FOXP2: variants seen among roughly 807,000 people sequenced by gnomAD.
FOXP2 encodes the protein forkhead box protein P2.
FOXP2 carries 12 observed loss-of-function variants against 115.8 expected under a neutral mutation model. That is an observed-to-expected ratio of 0.10 (90% CI 0.07 to 0.17). The LOEUF is 0.17. Among genes scored for constraint, FOXP2 ranks in the 10% least tolerant of loss-of-function variants. The pLI is 1.00. For missense variants in FOXP2, 629 were observed against 843.5 expected, an observed-to-expected ratio of 0.75 and a Z score of 3.15; for synonymous variants, 328 against 297.7, an observed-to-expected ratio of 1.10 and a Z score of -1.05.
intron 1 of FOXP2, among the ~76,000 whole-genome samples, chr7:114,110,523 C>T (rs921364454): frequency 6.6e-6 from 1 of 151,870 alleles, no homozygotes; most frequent in African/African-American, 2.4e-5. Context: ...TTTATTTATA[C>T]TCTTTACTAT....
intron 1 of FOXP2, among the ~76,000 whole-genome samples, chr7:114,243,371 G>A (rs775626067): frequency 6.6e-6 from 1 of 151,900 alleles, no homozygotes; most frequent in South Asian, 2.1e-4. Context: ...CCAGATCAAA[G>A]CACATGTGAG....
At chr7:114,101,899 T>TTTTGTG (rs574993238) in intron 1 of FOXP2, among the ~76,000 whole-genome samples, 6 of 142,408 alleles carry the variant, frequency 4.2e-5, no homozygotes, top group African/African-American at 1.3e-4. Context: ...CTTCAACATT[T>TTTTGTG]TGTGTGTGTG....
At chr7:114,297,145 G>T in intron 2 of FOXP2, 1 of 485,000 alleles carries the variant, frequency 2.1e-6, no homozygotes. Flanking sequence ...TCCTCATGGC[G>T]CCCAGAACGT....
intron 1 of FOXP2, among the ~76,000 whole-genome samples, chr7:114,242,089 G>A (rs1562832001): frequency 6.6e-6 from 1 of 150,598 alleles, no homozygotes; most frequent in Admixed American, 6.7e-5. Flanking sequence ...AAGAAGAGCT[G>A]TTGAATGACT....
At chr7:114,329,502 A>G (rs1209753120) in intron 2 of FOXP2, among the ~76,000 whole-genome samples, 1 of 149,202 alleles carries the variant, frequency 6.7e-6, no homozygotes, top group African/African-American at 2.5e-5. Context: ...CTGGGCGACA[A>G]GAGTGAAACT....
intron 1 of FOXP2, among the ~76,000 whole-genome samples, chr7:114,202,502 G>A (rs922533611): frequency 6.6e-6 from 1 of 152,216 alleles, no homozygotes; most frequent in East Asian, 1.9e-4. Context: ...CCTGGCATTG[G>A]CAGGAATTGG....
intron 2 of FOXP2, among the ~76,000 whole-genome samples, chr7:114,481,808 C>CTATCTATA (rs1438461999): frequency 1.4e-5 from 2 of 142,338 alleles, no homozygotes; most frequent in Admixed American, 1.4e-4. Flanking sequence ...ATCTATCTAT[C>CTATCTATA]TATATATCTA....
In FOXP2 at chr7:114,093,694, G is replaced by A. The variant is rs577669269; in HGVS notation, c.-247+5856G>A. ...ACATTGGGAAACACTGTTCGTTACT[G>A]GCAAAGTCATGGCCCTCGTCTCAGG... On this transcript the variant is annotated intron_variant, in intron 1 of 19. Coordinates refer to the FOXP2 transcript ENST00000635638. Among the ~76,000 whole-genome samples, 90 of 151,596 alleles carry A rather than the reference G, an allele frequency of 5.9e-4. 1 individual carries two copies. The highest frequency in any genetic ancestry group is 2.2e-3 in the African/African-American group (90 of 41,294).
intron 2 of FOXP2, among the ~76,000 whole-genome samples, chr7:114,321,178 T>TATTTATTA (rs1345058531): frequency 1.7e-5 from 1 of 58,678 alleles, no homozygotes; most frequent in African/African-American, 3.8e-5. Context: ...CTAGTAACTT[T>TATTTATTA]ATTTATTTAT....
At chr7:114,245,859 G>A (rs972983033) in intron 1 of FOXP2, among the ~76,000 whole-genome samples, 6 of 151,692 alleles carry the variant, frequency 4.0e-5, no homozygotes, top group South Asian at 2.1e-4. Context: ...TTTTCCTTGC[G>A]TATTTCATTT....
In FOXP2 at chr7:114,201,441, A is replaced by C. The variant is rs183070819; in HGVS notation, c.-102+38353A>C. Among the ~76,000 whole-genome samples, 512 of 152,310 alleles carry C rather than the reference A, an allele frequency of 3.4e-3. 4 individuals are homozygous for C. The highest frequency in any genetic ancestry group is 8.2e-3 in the Admixed American group (126 of 15,292). On this transcript the variant is annotated intron_variant, in intron 1 of 17. Coordinates refer to the FOXP2 transcript ENST00000634411. ...CATTCCACAACATCCCTGTCTGGGC[A>C]ACAGAGTGAGACCCTGTCTCTAAAA...
At chr7:114,094,727 T>A (rs1272118228) in intron 1 of FOXP2, among the ~76,000 whole-genome samples, 1 of 152,180 alleles carries the variant, frequency 6.6e-6, no homozygotes, top group Non-Finnish European at 1.5e-5. Flanking sequence ...AGTGCTGTGA[T>A]CACAGCTCAT....
At chr7:114,340,640 G>A (rs1478423556) in intron 2 of FOXP2, among the ~76,000 whole-genome samples, 1 of 151,018 alleles carries the variant, frequency 6.6e-6, no homozygotes, top group Non-Finnish European at 1.5e-5. Context: ...TAACCACTGT[G>A]GTGTGATTTT....
At chr7:114,385,990 A>G (rs1792439689) in intron 2 of FOXP2, among the ~76,000 whole-genome samples, 1 of 152,246 alleles carries the variant, frequency 6.6e-6, no homozygotes, top group South Asian at 2.1e-4. Context: ...CATGGAACCC[A>G]GTGACTAGTG....
At chr7:114,540,216 TC>T (rs1034165192) in intron 3 of FOXP2, among the ~76,000 whole-genome samples, 1 of 151,992 alleles carries the variant, frequency 6.6e-6, no homozygotes, top group African/African-American at 2.4e-5. Flanking sequence ...TAGAGTGTTT[TC>T]CCCTGCTATA....
At chr7:114,161,654 G>GTATATATATATATATA (rs549643391), upstream of FOXP2, among the ~76,000 whole-genome samples, 321 of 151,538 alleles carry the variant, frequency 2.1e-3, 5 homozygotes, top group African/African-American at 7.5e-3. Context: ...GTGTGTGCGT[G>GTATATATATATATATA]TATATATATA....
chr7:114,554,591 A>C (rs991408407), intron 3 of FOXP2, among the ~76,000 whole-genome samples: 3 of 152,078 alleles, frequency 2.0e-5, no homozygotes, highest in Admixed American at 2.0e-4. Flanking sequence ...TGAAAATTTA[A>C]GTTGATTCTG....
chr7:114,094,474 A>T lies in FOXP2; in HGVS notation c.-247+6636A>T, dbSNP rs1006806597. Among the ~76,000 whole-genome samples, 27 of 152,118 alleles carry T rather than the reference A, an allele frequency of 1.8e-4. 1 individual carries two copies. The highest frequency in any genetic ancestry group is 2.9e-5 in the Non-Finnish European group (2 of 68,014). ...GAGGCTATAATATTTTCTGTTGATA[A>T]TGAAGGAGAATGTCTCCCTTCTTAG... On this transcript the variant is annotated intron_variant, in intron 1 of 19. Coordinates refer to the FOXP2 transcript ENST00000635638.
intron 1 of FOXP2, among the ~76,000 whole-genome samples, chr7:114,145,633 G>C (rs567105970): frequency 2.0e-5 from 3 of 151,568 alleles, no homozygotes; most frequent in African/African-American, 7.3e-5. Context: ...GATTACAGGC[G>C]CGTGCACAAC....
Sources: allele counts gnomAD v4.1 joint callset (sites outside exome capture counted in the v4.1 genomes callset), GRCh38; gene constraint gnomAD v4.1.1; transcripts MANE v1.5; gene names NCBI Gene and HGNC (gene_info 2026-07-23, HGNC 2026-07-21).